GRXCR2: variants seen among roughly 807,000 people sequenced by gnomAD.
GRXCR2 encodes glutaredoxin and cysteine rich domain containing 2.
GRXCR2 carries 23 observed loss-of-function variants against 24.8 expected under a neutral mutation model. The ratio of observed to expected loss-of-function variants is 0.93; its 90% CI spans 0.67 to 1.32. The LOEUF (loss-of-function observed/expected upper bound fraction) is 1.32. Among genes scored for constraint, GRXCR2 ranks in the 40% most tolerant of loss-of-function variants. The probability of loss-of-function intolerance (pLI) is 0.00; values close to 1 mark genes in which losing one functional copy is unlikely to be tolerated. For synonymous variants in GRXCR2, 130 were observed against 116.1 expected, an observed-to-expected ratio of 1.12 and a Z score of -0.77; for missense variants, 315 against 303.4, an observed-to-expected ratio of 1.04 and a Z score of -0.28.
chr5:145,901,702 G>T (rs1242140978), intron 2 of GRXCR2, among the ~76,000 whole-genome samples: 1 of 152,152 alleles, frequency 6.6e-6, no homozygotes, highest in East Asian at 1.9e-4. Context: ...ATGAGGGAGG[G>T]ATCTAGGAGA....
intron 2 of GRXCR2, among the ~76,000 whole-genome samples, chr5:145,924,134 C>G (rs181259623): frequency 2.6e-4 from 39 of 152,216 alleles, no homozygotes; most frequent in Admixed American, 1.3e-4. Context: ...TGAGCCTCTT[C>G]TTCAGCAACC....
chr5:145,897,243 TTTGTTACATACATACA>T (rs1756964193), intron 2 of GRXCR2, among the ~76,000 whole-genome samples: 1 of 121,172 alleles, frequency 8.3e-6, no homozygotes, highest in African/African-American at 3.3e-5. Flanking sequence ...AAACCTGTTG[TTTGTTACATACATACA>T]TACATACATA....
intron 2 of GRXCR2, among the ~76,000 whole-genome samples, chr5:145,895,180 A>G (rs1482120037): frequency 6.6e-6 from 1 of 152,116 alleles, no homozygotes; most frequent in Non-Finnish European, 1.5e-5. Flanking sequence ...CCAATATCAT[A>G]CTGAATGGGC....
chr5:145,907,016 T>C (rs538104835), intron 2 of GRXCR2, among the ~76,000 whole-genome samples: 1 of 152,204 alleles, frequency 6.6e-6, no homozygotes, highest in Admixed American at 6.5e-5. Context: ...GGAACTTCTG[T>C]TGCCAAGGCA....
At position 145,911,124 on chromosome 5, in the gene GRXCR2, T is replaced by C. The variant is rs558764527; in HGVS notation, c.-70+24577A>G. On this transcript the variant is annotated intron_variant, in intron 2 of 3. Transcript: ENST00000639411. ...TTTTATATGTTCAAGGTGTACAGCG[T>C]GATGATTTGGTATATGTTGTGTACT... is the stretch of plus-strand genomic sequence containing the variant. Among the ~76,000 whole-genome samples the C allele has an allele frequency of 2.4e-4, 37 of 152,296 alleles. No homozygotes were observed. In the South Asian group the frequency reaches 6.2e-3, roughly 26 times the overall value.
chr5:145,904,009 G>C (rs1757059276), intron 2 of GRXCR2, among the ~76,000 whole-genome samples: 1 of 152,124 alleles, frequency 6.6e-6, no homozygotes, highest in Non-Finnish European at 1.5e-5. Context: ...CAACACTTTA[G>C]AGACATGCCC....
intron 2 of GRXCR2, among the ~76,000 whole-genome samples, chr5:145,879,234 A>T (rs1009448839): frequency 2.6e-5 from 4 of 152,164 alleles, no homozygotes; most frequent in Admixed American, 2.6e-4. Context: ...CTCAAATTAA[A>T]AGACACAGAC....
At chr5:145,877,734 AG>A (rs1324597866), upstream of GRXCR2, among the ~76,000 whole-genome samples, 2 of 152,172 alleles carry the variant, frequency 1.3e-5, no homozygotes, top group East Asian at 3.8e-4. Flanking sequence ...CAGCCCATGG[AG>A]GGTGAGCCAA....
chr5:145,880,159 C>A (rs1756678746), intron 2 of GRXCR2, among the ~76,000 whole-genome samples: 1 of 152,028 alleles, frequency 6.6e-6, no homozygotes, highest in Non-Finnish European at 1.5e-5. Flanking sequence ...CAAACAAATT[C>A]AAAAGCTACC....
intron 2 of GRXCR2, among the ~76,000 whole-genome samples, chr5:145,879,947 G>A (rs2149914990): frequency 6.6e-6 from 1 of 152,148 alleles, no homozygotes; most frequent in East Asian, 1.9e-4. Context: ...ACAACTACTG[G>A]GTAAATAACG....
intron 2 of GRXCR2, among the ~76,000 whole-genome samples, chr5:145,899,735 A>T (rs1342789004): frequency 1.3e-5 from 2 of 152,100 alleles, no homozygotes; most frequent in East Asian, 3.8e-4. Flanking sequence ...TTGGACCTTT[A>T]CCTTTTACCA....
In GRXCR2 at chr5:145,872,806, G is replaced by T. The variant is rs762897894; in HGVS notation, c.163C>A (p.Gln55Lys). 3.7e-6 allele frequency: 6 copies of T among 1,614,192 alleles called. No individual in the cohort carries two copies. In the South Asian group the frequency reaches 6.6e-5, roughly 18 times the overall value. Residue 55 changes from glutamine to lysine, a missense_variant, in exon 1 of 3, where the codon CAA becomes AAA. Transcript: ENST00000377976. ...PKEEYPHSFL[Q>K]ESLETMDGVY... is the part of the protein sequence containing the mutation. ...CCATCCATTGTTTCAAGAGACTCTTGCAGAAAACTGTGAGGGTATTCCTCC... is the reference window on the plus strand; with the variant it reads ...CCATCCATTGTTTCAAGAGACTCTTTCAGAAAACTGTGAGGGTATTCCTCC...
chr5:145,908,620 G>T (rs933885834), intron 2 of GRXCR2, among the ~76,000 whole-genome samples: 3 of 152,218 alleles, frequency 2.0e-5, no homozygotes, highest in Non-Finnish European at 2.9e-5. Context: ...AGCAAATTCA[G>T]TGTGTATTTC....
At chr5:145,869,616 G>A (rs2149911003) in intron 1 of GRXCR2, among the ~76,000 whole-genome samples, 1 of 149,954 alleles carries the variant, frequency 6.7e-6, no homozygotes, top group Non-Finnish European at 1.5e-5. Context: ...GGAGTGCAGT[G>A]GTGCAATCTC....
At chr5:145,907,343 A>G (rs2149924368) in intron 2 of GRXCR2, among the ~76,000 whole-genome samples, 1 of 152,214 alleles carries the variant, frequency 6.6e-6, no homozygotes, top group East Asian at 1.9e-4. Flanking sequence ...AGCCTGGCCA[A>G]CATGGGGAAA....
At position 145,888,763 on chromosome 5, in the gene GRXCR2, T is replaced by A. The variant is rs112838487; in HGVS notation, c.-69-22035A>T. On this transcript the variant is annotated intron_variant, in intron 2 of 3. Transcript: ENST00000639411. ...TATACATATGTATGCAAGATACAAA[T>A]AATTTTAATGGGTTTTTCTTAAAAA... Among the ~76,000 whole-genome samples, 334 of 152,268 alleles carry A rather than the reference T, an allele frequency of 2.2e-3. 3 individuals are homozygous for A. The highest frequency in any genetic ancestry group is 7.3e-3 in the African/African-American group (304 of 41,548).
At chr5:145,862,918 C>A (rs181280144) in intron 2 of GRXCR2, among the ~76,000 whole-genome samples, 1 of 152,228 alleles carries the variant, frequency 6.6e-6, no homozygotes, top group East Asian at 1.9e-4. Context: ...TGGTGCCTGG[C>A]TATCATGAGT....
At chr5:145,917,110 C>T (rs1285152933) in intron 2 of GRXCR2, among the ~76,000 whole-genome samples, 1 of 148,572 alleles carries the variant, frequency 6.7e-6, no homozygotes, top group Non-Finnish European at 1.5e-5. Flanking sequence ...GGGAAACCTC[C>T]AGAATCCACA....
intron 2 of GRXCR2, among the ~76,000 whole-genome samples, chr5:145,909,738 C>T (rs1042781091): frequency 6.6e-6 from 1 of 152,220 alleles, no homozygotes; most frequent in Non-Finnish European, 1.5e-5. Context: ...TCTCTCACCA[C>T]CTGTCTGAGC....
Sources: gnomAD v4.1 joint callset for allele counts (sites outside exome capture counted in the v4.1 genomes callset) on GRCh38, gnomAD v4.1.1 for gene constraint, MANE v1.5 for transcripts, NCBI Gene and HGNC (gene_info 2026-07-23, HGNC 2026-07-21) for gene names.